The following SMARCA2 variants were observed in gnomAD, a reference collection of about 807,000 sequenced individuals.
SMARCA2 encodes SWI/SNF related BAF chromatin remodeling complex subunit ATPase 2, also known as SWI/SNF-related matrix-associated actin-dependent regulator of chromatin subfamily A member 2.
A neutral mutation model predicts 199.8 loss-of-function variants in SMARCA2; 61 were observed. That is an observed-to-expected ratio of 0.31 (90% CI 0.25 to 0.38). The LOEUF (loss-of-function observed/expected upper bound fraction) is 0.38, where lower values mean the gene tolerates loss of function less well. Ranked by LOEUF, SMARCA2 falls within the 10% of genes least tolerant of loss-of-function variation. SMARCA2 has a pLI of 1.00. For synonymous variants in SMARCA2, 935 were observed against 732.0 expected (o/e 1.28, Z -4.48); for missense variants, 1,344 against 2,012.2 (o/e 0.67, Z 6.35).
At chr9:2,079,851 T>G (rs1821488513) in intron 14 of SMARCA2, 1 of 152,278 alleles carries the variant, frequency 6.6e-6, no homozygotes, top group Admixed American at 6.5e-5. Context: ...ATGGGTTTTC[T>G]TCTGTCATCC....
chr9:2,119,643 C>T lies in SMARCA2; in HGVS notation c.3762+108C>T. ...GCCTGGCAGAACTTCATACGTAAAG[C>T]CTATGCCTTTCCTTCAGTTCAGAGG... is the stretch of plus-strand genomic sequence containing the variant. On this transcript the variant is annotated intron_variant, in intron 26 of 33. Coordinates refer to ENST00000349721, the MANE Select transcript of SMARCA2 (RefSeq NM_003070.5). The surrounding 1 kb of genome is among the most constrained non-coding windows in gnomAD (Gnocchi z 4.6). 1.4e-6 allele frequency: 1 copy of T among 726,934 alleles called. No homozygotes were observed. Among genetic ancestry groups the T allele is most frequent in the Non-Finnish European group, 2.4e-6 (1 of 415,670 alleles). The allele number at this position is 726,934 out of a possible 1,614,324, so 45.0% of individuals were successfully genotyped here. A position where few individuals can be genotyped will look rare whatever the true frequency, so the allele number is the denominator to read the frequency against.
intron 27 of SMARCA2, among the ~76,000 whole-genome samples, chr9:2,157,149 T>A (rs893383290): frequency 2.0e-5 from 3 of 152,240 alleles, no homozygotes; most frequent in African/African-American, 7.2e-5. Context: ...TTTGTTGTTG[T>A]TTAATATTTA....
chr9:2,060,158 A>G (rs543210886), intron 8 of SMARCA2, among the ~76,000 whole-genome samples: 53 of 149,008 alleles, frequency 3.6e-4, no homozygotes, highest in African/African-American at 1.2e-3. Flanking sequence ...AAATCCCCCA[A>G]ATTTGATCTT....
At chr9:2,024,673 C>T (rs74667309) in intron 1 of SMARCA2, among the ~76,000 whole-genome samples, 21,237 of 152,126 alleles carry the variant, frequency 0.14, 1,656 homozygotes, top group African/African-American at 0.21. Context: ...CTTTCTACCC[C>T]TGCACATTGC....
At chr9:2,178,915 C>A (rs912090222) in intron 29 of SMARCA2, among the ~76,000 whole-genome samples, 1 of 152,122 alleles carries the variant, frequency 6.6e-6, no homozygotes, top group African/African-American at 2.4e-5. Context: ...TGTAAGAGAA[C>A]CCCACCCTGT....
intron 27 of SMARCA2, chr9:2,159,524 TA>T (rs1403032242): frequency 3.9e-6 from 1 of 257,890 alleles, no homozygotes. Context: ...ATTTGAATAT[TA>T]ATTTGTTTTC....
intron 27 of SMARCA2, among the ~76,000 whole-genome samples, chr9:2,130,871 G>C (rs1823917375): frequency 6.6e-6 from 1 of 152,168 alleles, no homozygotes; most frequent in Non-Finnish European, 1.5e-5. Flanking sequence ...CGGTTTTCCG[G>C]TTTAATGTCA....
At chr9:2,100,059 A>G (rs1822443693) in intron 21 of SMARCA2, among the ~76,000 whole-genome samples, 1 of 152,128 alleles carries the variant, frequency 6.6e-6, no homozygotes, top group Non-Finnish European at 1.5e-5. Context: ...GCCCAGAGGG[A>G]AAGATCTGGT....
At chr9:2,156,453 G>T in intron 27 of SMARCA2, among the ~76,000 whole-genome samples, 1 of 92,098 alleles carries the variant, frequency 1.1e-5, no homozygotes, top group South Asian at 3.5e-4. Flanking sequence ...TTTTGAGGCA[G>T]AGTTTTGCTC....
Position 2,027,383 on chromosome 9 carries a change from A to T in SMARCA2, c.-36-1604A>T, listed in dbSNP as rs545870375. On this transcript the variant is annotated intron_variant, in intron 1 of 33. Transcript: ENST00000349721. ...CTTGAGCCTAGGAGTTTGAGGCTTC[A>T]GTGAGCCATGATCTCTACTGTCCTC... Among the ~76,000 whole-genome samples, 17 of 152,310 alleles carry T rather than the reference A, an allele frequency of 1.1e-4. No individual in the cohort carries two copies. In the South Asian group the frequency reaches 2.7e-3, roughly 24 times the overall value.
rs894339545 is a variant in SMARCA2 at position 2,065,731 on chromosome 9, G to C, written c.1693-4687G>C. On this transcript the variant is annotated intron_variant, in intron 9 of 33. Coordinates refer to ENST00000349721, the MANE Select transcript of SMARCA2 (RefSeq NM_003070.5). ...TTTAATCTCTTACAGTTTCCCCAAA[G>C]ATTATATACTTTATTACAGCTTTCC... is the stretch of plus-strand genomic sequence containing the variant. Among the ~76,000 whole-genome samples, 11 of 152,136 alleles carry C rather than the reference G, an allele frequency of 7.2e-5. No homozygotes were observed. The East Asian group carries it at 1.7e-3, about 24-fold the overall frequency.
chr9:2,143,908 C>T (rs28592290), intron 27 of SMARCA2, among the ~76,000 whole-genome samples: 64,582 of 152,016 alleles, frequency 0.42, 14,449 homozygotes, highest in Non-Finnish European at 0.49. Context: ...CCTTTCCCCT[C>T]TGAAGGTTCG....
intron 8 of SMARCA2, among the ~76,000 whole-genome samples, chr9:2,059,279 T>G (rs1226826684): frequency 1.3e-5 from 2 of 152,218 alleles, no homozygotes; most frequent in African/African-American, 4.8e-5. Flanking sequence ...ATTATGTTCC[T>G]GGAAAATTCT....
intron 1 of SMARCA2, among the ~76,000 whole-genome samples, chr9:2,018,842 A>T (rs1421427325): frequency 2.0e-5 from 3 of 152,184 alleles, no homozygotes; most frequent in Non-Finnish European, 4.4e-5. Flanking sequence ...ATCTGTTATC[A>T]GGGGGGCCAC....
intron 22 of SMARCA2, among the ~76,000 whole-genome samples, chr9:2,101,835 C>T (rs1266813509): frequency 6.6e-6 from 1 of 152,180 alleles, no homozygotes; most frequent in African/African-American, 2.4e-5. Flanking sequence ...GGACATAGAT[C>T]TTATTTAATA....
At chr9:2,061,943 G>C (rs1369983717) in intron 9 of SMARCA2, among the ~76,000 whole-genome samples, 2 of 152,222 alleles carry the variant, frequency 1.3e-5, no homozygotes, top group Non-Finnish European at 2.9e-5. Context: ...TCATTGTGAA[G>C]ATGAACGAGA....
In SMARCA2 at chr9:2,104,616, C is replaced by G. The variant is rs1822672108; in HGVS notation, c.3292+447C>G. 1.3e-5 allele frequency among the ~76,000 whole-genome samples: 2 copies of G among 152,086 alleles called. No individual in the cohort carries two copies. Among genetic ancestry groups the G allele is most frequent in the Admixed American group, 6.5e-5 (1 of 15,274 alleles). On this transcript the variant is annotated intron_variant, in intron 23 of 33. Transcript: ENST00000349721. This position sits in a 1 kb window ranked among gnomAD's most constrained non-coding sequence, Gnocchi z 4.0. ...TTTAAGATTATATTTATCATTAAAG[C>G]CCCTCTCTTCCTAAATAAGACGTAT...
At chr9:2,093,691 T>G (rs937153766) in intron 19 of SMARCA2, among the ~76,000 whole-genome samples, 1 of 152,194 alleles carries the variant, frequency 6.6e-6, no homozygotes, top group Non-Finnish European at 1.5e-5. Flanking sequence ...AGATGAACAA[T>G]GGGAAAAAGG....
At chr9:2,143,030 A>G (rs190771256) in intron 27 of SMARCA2, among the ~76,000 whole-genome samples, 1 of 152,294 alleles carries the variant, frequency 6.6e-6, no homozygotes, top group Admixed American at 6.5e-5. Context: ...ACATATTTTA[A>G]AACAAAAGAA....
Sources: gnomAD v4.1 joint callset for allele counts (sites outside exome capture counted in the v4.1 genomes callset) on GRCh38, gnomAD v4.1.1 for gene constraint, Gnocchi (gnomAD v3.1) non-coding constraint, MANE v1.5 for transcripts, NCBI Gene and HGNC (gene_info 2026-07-23, HGNC 2026-07-21) for gene names.